The following RBFOX3 variants were observed in gnomAD, a reference collection of about 807,000 sequenced individuals.
RBFOX3 encodes the protein RNA binding protein fox-1 homolog 3.
RBFOX3 carries 17 observed loss-of-function variants against 48.7 expected under a neutral mutation model. The ratio of observed to expected loss-of-function variants is 0.35; its 90% CI spans 0.24 to 0.52. The LOEUF (loss-of-function observed/expected upper bound fraction) is 0.52. RBFOX3 is among the 20% of genes least tolerant of loss of function. RBFOX3 has a pLI of 0.94. For synonymous variants in RBFOX3, 212 were observed against 209.5 expected, an observed-to-expected ratio of 1.01 and a Z score of -0.10; for missense variants, 382 against 497.5, an observed-to-expected ratio of 0.77 and a Z score of 2.21.
chr17:79,237,795 G>A (rs558993131), intron 3 of RBFOX3, among the ~76,000 whole-genome samples: 23 of 152,320 alleles, frequency 1.5e-4, no homozygotes, highest in Admixed American at 3.3e-4. Context: ...CTTCTGGCCC[G>A]TGGAGCCATC....
intron 1 of RBFOX3, among the ~76,000 whole-genome samples, chr17:79,487,925 A>AAAAAAAAAAT: frequency 6.6e-6 from 1 of 151,102 alleles, no homozygotes; most frequent in Admixed American, 6.6e-5. Context: ...AAAAAAAAAA[A>AAAAAAAAAAT]AAAAATTCCT....
rs1257739544 is a variant in RBFOX3 at position 79,564,036 on chromosome 17, ACACT to A, written c.-320+46786_-320+46789del. Among the ~76,000 whole-genome samples, 23 of 152,298 alleles carry A rather than the reference ACACT, an allele frequency of 1.5e-4. 1 individual carries two copies. The highest frequency in any genetic ancestry group is 3.4e-3 in the Middle Eastern group (1 of 294). On this transcript the variant is annotated intron_variant, in intron 1 of 14. Coordinates refer to ENST00000693108, the MANE Select transcript of RBFOX3 (RefSeq NM_001350451.2). ...TTCATGGTTTTGCTTCCCCACTGTG[ACACT>A]CAGCCCCAAAACAGATGGAGGACCT...
chr17:79,462,627 C>T (rs781818264), intron 2 of RBFOX3, among the ~76,000 whole-genome samples: 1 of 152,194 alleles, frequency 6.6e-6, no homozygotes, highest in African/African-American at 2.4e-5. Context: ...AGTTAGGGAT[C>T]CTGCTCAGTG....
the RBFOX3 span, among the ~76,000 whole-genome samples, chr17:79,620,169 A>G: frequency 1.1e-4 from 15 of 139,208 alleles, 1 homozygote; most frequent in East Asian, 5.3e-3. Context: ...GGACATGCAC[A>G]CACATGCACA....
At chr17:79,497,731 G>C (rs1040762166) in intron 1 of RBFOX3, among the ~76,000 whole-genome samples, 12 of 152,188 alleles carry the variant, frequency 7.9e-5, no homozygotes. Flanking sequence ...GGTACTGAGG[G>C]GCCATCTCTG....
At chr17:79,627,264 T>C in the RBFOX3 span, among the ~76,000 whole-genome samples, 2 of 151,906 alleles carry the variant, frequency 1.3e-5, no homozygotes, top group Non-Finnish European at 2.9e-5. Flanking sequence ...GATGCCACCT[T>C]CCCCCCAGGT....
chr17:79,124,365 C>T (rs549841985), intron 4 of RBFOX3, among the ~76,000 whole-genome samples: 5 of 152,340 alleles, frequency 3.3e-5, no homozygotes, highest in South Asian at 4.1e-4. Context: ...TGACACTGAA[C>T]GAGGCTGTCT....
intron 4 of RBFOX3, among the ~76,000 whole-genome samples, chr17:79,165,551 C>T (rs537360663): frequency 4.6e-5 from 7 of 152,310 alleles, no homozygotes; most frequent in Non-Finnish European, 7.4e-5. Context: ...GCCAGCCATC[C>T]CGGGAGGTGA....
At chr17:79,549,880 G>A (rs535265021) in intron 1 of RBFOX3, among the ~76,000 whole-genome samples, 37 of 152,326 alleles carry the variant, frequency 2.4e-4, no homozygotes, top group African/African-American at 8.4e-4. Context: ...AGGCTTTAGT[G>A]ATATGATGGA....
intron 4 of RBFOX3, among the ~76,000 whole-genome samples, chr17:79,170,073 A>T (rs1441881317): frequency 7.5e-6 from 1 of 132,812 alleles, no homozygotes; most frequent in Non-Finnish European, 1.5e-5. Context: ...GAAGAAAGGA[A>T]ACGGAGGAAG....
At chr17:79,645,299 C>T in the RBFOX3 span, among the ~76,000 whole-genome samples, 52 of 152,188 alleles carry the variant, frequency 3.4e-4, no homozygotes, top group African/African-American at 1.2e-3. Context: ...GTGGTGTGCC[C>T]CACCCCTCAG....
chr17:79,290,012 T>A (rs2072918622), intron 3 of RBFOX3, among the ~76,000 whole-genome samples: 1 of 151,478 alleles, frequency 6.6e-6, no homozygotes, highest in Non-Finnish European at 1.5e-5. Flanking sequence ...TCCCAGAGGG[T>A]TCAGACAGAA....
chr17:79,647,243 C>T, the RBFOX3 span, among the ~76,000 whole-genome samples: 4 of 152,148 alleles, frequency 2.6e-5, no homozygotes, highest in South Asian at 2.1e-4. Context: ...CCACCGGTGT[C>T]GCCTGCAGAA....
At chr17:79,246,232 C>T (rs2063153850) in intron 3 of RBFOX3, among the ~76,000 whole-genome samples, 1 of 152,222 alleles carries the variant, frequency 6.6e-6, no homozygotes. Context: ...TCCAAGTCCT[C>T]CCTGATGCCA....
chr17:79,442,240 AG>A (rs1568257964), intron 2 of RBFOX3, among the ~76,000 whole-genome samples: 19 of 5,716 alleles, frequency 3.3e-3, no homozygotes, highest in Non-Finnish European at 4.0e-3. Context: ...AGAGAGAGAG[AG>A]AGAGAGAGAG....
chr17:79,332,789 G>A (rs2146387062), intron 2 of RBFOX3, among the ~76,000 whole-genome samples: 1 of 134,646 alleles, frequency 7.4e-6, no homozygotes, highest in South Asian at 2.5e-4. Context: ...AGACAGAGAG[G>A]GAGACAGAGC....
intron 1 of RBFOX3, among the ~76,000 whole-genome samples, chr17:79,518,729 A>G (rs1000659567): frequency 1.3e-5 from 2 of 152,218 alleles, no homozygotes; most frequent in East Asian, 3.9e-4. Flanking sequence ...TGCCTTCCCT[A>G]ACAGAAGCAA....
intron 3 of RBFOX3, among the ~76,000 whole-genome samples, chr17:79,245,690 T>C (rs1409073923): frequency 1.3e-5 from 2 of 149,446 alleles, no homozygotes; most frequent in African/African-American, 5.0e-5. Flanking sequence ...TGCAGTGGCG[T>C]GATCTCAGCC....
intron 2 of RBFOX3, among the ~76,000 whole-genome samples, chr17:79,338,633 C>T (rs1318970075): frequency 2.0e-5 from 3 of 152,146 alleles, no homozygotes; most frequent in South Asian, 2.1e-4. Flanking sequence ...CTTAAGGGGT[C>T]GACATACATC....
Sources: gnomAD v4.1 joint callset for allele counts (sites outside exome capture counted in the v4.1 genomes callset) on GRCh38, gnomAD v4.1.1 for gene constraint, MANE v1.5 for transcripts, NCBI Gene and HGNC (gene_info 2026-07-23, HGNC 2026-07-21) for gene names.